Variants in BCAS3 observed in about 807,000 individuals in gnomAD.
BCAS3 encodes BCAS3 microtubule associated cell migration factor, also known as BCAS4/BCAS3 fusion.
Under a neutral mutation model 116.1 loss-of-function variants are expected in BCAS3, and 53 were observed. That is an observed-to-expected ratio of 0.46 (90% CI 0.37 to 0.57). The LOEUF is 0.57. Ranked by LOEUF, BCAS3 falls within the 20% of genes least tolerant of loss-of-function variation. BCAS3 has a pLI of 0.00. For missense variants in BCAS3, 917 were observed against 1,165.4 expected (o/e 0.79, Z 3.10); for synonymous variants, 391 against 408.2 (o/e 0.96, Z 0.51).
At chr17:61,183,234 T>C (rs759555593) in intron 22 of BCAS3, among the ~76,000 whole-genome samples, 3 of 152,164 alleles carry the variant, frequency 2.0e-5, no homozygotes, top group African/African-American at 7.2e-5. Context: ...ATTTGCCATT[T>C]TGTTTGTCAG....
chr17:61,225,617 T>C lies in BCAS3; in HGVS notation c.2425+141053T>C, dbSNP rs1473821009. On this transcript the variant is annotated intron_variant, in intron 22 of 23. Coordinates refer to ENST00000407086, the MANE Select transcript of BCAS3 (RefSeq NM_017679.5). ...ACATCTTAATTATCTCAGTTTTAAG[T>C]TCTTCTATAAGTGTGTCTCTGTGGA... Among the ~76,000 whole-genome samples the C allele has an allele frequency of 2.0e-5, 3 of 152,326 alleles. No individual in the cohort carries two copies. The South Asian group carries it at 6.2e-4, about 32-fold the overall frequency.
intron 6 of BCAS3, among the ~76,000 whole-genome samples, chr17:60,787,917 CTT>C (rs76548598): frequency 5.0e-5 from 7 of 139,748 alleles, no homozygotes; most frequent in Admixed American, 7.2e-5. Flanking sequence ...TGAATAGTAC[CTT>C]TTTTTTTTTT....
chr17:61,251,060 C>T lies in BCAS3; in HGVS notation c.2426-117267C>T, dbSNP rs2144546367. Among the ~76,000 whole-genome samples, 1 of 152,280 alleles carries T rather than the reference C, an allele frequency of 6.6e-6. No homozygotes were observed. The highest frequency in any genetic ancestry group is 1.9e-4 in the East Asian group (1 of 5,184). ...AACACCCTCATCCCTCCAGCCCTGC[C>T]CCCAGGAAACCCTTCATTCAGAAAG... On this transcript the variant is annotated intron_variant, in intron 22 of 23. Coordinates refer to ENST00000407086, the MANE Select transcript of BCAS3 (RefSeq NM_017679.5). The surrounding 1 kb of genome is among the most constrained non-coding windows in gnomAD (Gnocchi z 4.7).
At chr17:60,860,163 A>C (rs992270244) in intron 7 of BCAS3, among the ~76,000 whole-genome samples, 5 of 152,098 alleles carry the variant, frequency 3.3e-5, no homozygotes, top group Non-Finnish European at 7.4e-5. Flanking sequence ...AGCATCTATT[A>C]TTTTTTGGCT....
chr17:61,002,255 A>G (rs533389335), intron 15 of BCAS3, among the ~76,000 whole-genome samples: 3 of 152,260 alleles, frequency 2.0e-5, no homozygotes, highest in Non-Finnish European at 4.4e-5. Flanking sequence ...TGGATATAAC[A>G]CATTTCTTTT....
In BCAS3 at chr17:61,248,944, T is replaced by C. The variant is rs1338447965; in HGVS notation, c.2426-119383T>C. 6.6e-6 allele frequency among the ~76,000 whole-genome samples: 1 copy of C among 152,222 alleles called. No individual in the cohort carries two copies. The highest frequency in any genetic ancestry group is 1.5e-5 in the Non-Finnish European group (1 of 68,040). Reference sequence around the variant, plus strand: ...ATAAGACGTTGTTTAGATGAATATATATTCTTTTCCTGTGTATTCTACTAT... The same window carrying C: ...ATAAGACGTTGTTTAGATGAATATACATTCTTTTCCTGTGTATTCTACTAT... On this transcript the variant is annotated intron_variant, in intron 22 of 23. Coordinates refer to ENST00000407086, the MANE Select transcript of BCAS3 (RefSeq NM_017679.5). This position sits in a 1 kb window ranked among gnomAD's most constrained non-coding sequence, Gnocchi z 4.3.
chr17:61,238,569 C>T (rs2083250219), intron 22 of BCAS3, among the ~76,000 whole-genome samples: 1 of 151,992 alleles, frequency 6.6e-6, no homozygotes, highest in South Asian at 2.1e-4. Flanking sequence ...GATAATCTGC[C>T]CTCATAGCTA....
chr17:61,193,621 G>A lies in BCAS3; in HGVS notation c.2425+109057G>A, dbSNP rs148644000. On this transcript the variant is annotated intron_variant, in intron 22 of 23. Transcript: ENST00000407086. ...AAAAATACAAAATTAGCTGGGTGTC[G>A]TGGCGCATGCCTGTAATCCCAGCTA... Among the ~76,000 whole-genome samples, 528 of 152,064 alleles carry A rather than the reference G, an allele frequency of 3.5e-3. 25 individuals are homozygous for A. In the East Asian group the frequency reaches 0.092, roughly 26 times the overall value.
intron 8 of BCAS3, among the ~76,000 whole-genome samples, chr17:60,872,841 A>G (rs2055255434): frequency 1.3e-5 from 2 of 151,946 alleles, no homozygotes; most frequent in Admixed American, 1.3e-4. Flanking sequence ...ACATACACAC[A>G]CACACACCCC....
chr17:60,936,218 A>C (rs1008672154), intron 13 of BCAS3, among the ~76,000 whole-genome samples: 1 of 150,450 alleles, frequency 6.6e-6, no homozygotes, highest in Non-Finnish European at 1.5e-5. Flanking sequence ...ATAGTATTCC[A>C]TGGTGTATAT....
intron 22 of BCAS3, among the ~76,000 whole-genome samples, chr17:61,280,550 T>C (rs78777002): frequency 0.019 from 2,918 of 152,314 alleles, 82 homozygotes; most frequent in African/African-American, 0.067. Flanking sequence ...GTATGAGTAA[T>C]TTATTCTCTG....
intron 22 of BCAS3, among the ~76,000 whole-genome samples, chr17:61,247,764 C>T (rs1436775771): frequency 6.6e-6 from 1 of 152,122 alleles, no homozygotes. Flanking sequence ...AGATCTTAGC[C>T]CTTTTGTGCA....
rs1032025526 is a variant in BCAS3 at position 61,295,327 on chromosome 17, G to T, written c.2426-73000G>T. On this transcript the variant is annotated intron_variant, in intron 22 of 23. Transcript: ENST00000407086. ...GTGGTTTATAAGGAGCAGGTGATAC[G>T]CAAAGAGGCGTTGGTGATGGAGACT... Among the ~76,000 whole-genome samples, 3 of 152,294 alleles carry T rather than the reference G, an allele frequency of 2.0e-5. No homozygotes were observed. In the East Asian group the frequency reaches 5.8e-4, roughly 29 times the overall value.
At chr17:61,011,340 C>T (rs926693914) in intron 15 of BCAS3, among the ~76,000 whole-genome samples, 2 of 152,016 alleles carry the variant, frequency 1.3e-5, no homozygotes, top group African/African-American at 4.8e-5. Context: ...CTTCCTTATA[C>T]GAAGAGGCTT....
chr17:60,870,388 C>T (rs533232203), intron 8 of BCAS3, among the ~76,000 whole-genome samples: 1 of 152,178 alleles, frequency 6.6e-6, no homozygotes, highest in South Asian at 2.1e-4. Context: ...GAAGCATAGG[C>T]TCTGTTGGAG....
chr17:61,264,770 A>C (rs1271931448), intron 22 of BCAS3, among the ~76,000 whole-genome samples: 1 of 152,232 alleles, frequency 6.6e-6, no homozygotes, highest in Non-Finnish European at 1.5e-5. Flanking sequence ...AGGAATATGA[A>C]TAATCTGATA....
intron 22 of BCAS3, among the ~76,000 whole-genome samples, chr17:61,269,687 G>A (rs1473954125): frequency 1.3e-5 from 2 of 152,030 alleles, no homozygotes; most frequent in Non-Finnish European, 2.9e-5. Flanking sequence ...ATTCTGATTT[G>A]CATTTCTCTG....
intron 16 of BCAS3, among the ~76,000 whole-genome samples, chr17:61,024,547 T>C (rs2066093725): frequency 1.3e-5 from 2 of 152,106 alleles, no homozygotes; most frequent in South Asian, 4.1e-4. Context: ...AACTACAGTG[T>C]CTGAGTTTTA....
At chr17:61,115,857 A>G (rs868539501) in intron 22 of BCAS3, among the ~76,000 whole-genome samples, 50 of 151,788 alleles carry the variant, frequency 3.3e-4, no homozygotes, top group Middle Eastern at 6.8e-3. Context: ...TCCAACAATG[A>G]TAGACCGGAT....
Sources: gnomAD v4.1 joint callset for allele counts (sites outside exome capture counted in the v4.1 genomes callset) on GRCh38, gnomAD v4.1.1 for gene constraint, Gnocchi (gnomAD v3.1) non-coding constraint, MANE v1.5 for transcripts, NCBI Gene and HGNC (gene_info 2026-07-23, HGNC 2026-07-21) for gene names.